The following RANBP17 variants were observed in gnomAD, a reference collection of about 807,000 sequenced individuals.
The protein encoded by RANBP17 is ran-binding protein 17.
A neutral mutation model predicts 141.2 loss-of-function variants in RANBP17; 158 were observed. The ratio of observed to expected loss-of-function variants is 1.12; its 90% CI spans 0.98 to 1.28. The LOEUF is 1.28. Ranked by LOEUF, RANBP17 falls within the 50% of genes most tolerant of loss-of-function variation. The probability of loss-of-function intolerance (pLI) is 0.00; values close to 1 mark genes in which losing one functional copy is unlikely to be tolerated. For missense variants in RANBP17, 1,438 were observed against 1,290.7 expected (o/e 1.11, Z -1.75); for synonymous variants, 430 against 450.0 (o/e 0.96, Z 0.56).
At chr5:170,881,239 G>A (rs950144833) in intron 2 of RANBP17, among the ~76,000 whole-genome samples, 1 of 152,170 alleles carries the variant, frequency 6.6e-6, no homozygotes, top group Middle Eastern at 3.2e-3. Flanking sequence ...AAAAGAGGGA[G>A]TATCTTTGCA....
chr5:171,035,974 T>G (rs941468691), intron 14 of RANBP17, among the ~76,000 whole-genome samples: 1 of 151,986 alleles, frequency 6.6e-6, no homozygotes, highest in Non-Finnish European at 1.5e-5. Context: ...GCTTACTAAA[T>G]CTCCACCTCC....
chr5:170,985,473 T>C (rs926232061), intron 14 of RANBP17, among the ~76,000 whole-genome samples: 1 of 152,202 alleles, frequency 6.6e-6, no homozygotes, highest in East Asian at 1.9e-4. Flanking sequence ...TCCCTTTCTC[T>C]CTTCCATTTA....
At chr5:170,999,139 T>G (rs1779032311) in intron 14 of RANBP17, among the ~76,000 whole-genome samples, 1 of 152,066 alleles carries the variant, frequency 6.6e-6, no homozygotes. Flanking sequence ...TTATTATTTA[T>G]TTTCTTAAAT....
At chr5:171,289,958 A>G (rs1284590648) in intron 25 of RANBP17, among the ~76,000 whole-genome samples, 1 of 152,166 alleles carries the variant, frequency 6.6e-6, no homozygotes, top group African/African-American at 2.4e-5. Context: ...TGAGCCCAGG[A>G]GGCAGAGGTT....
intron 14 of RANBP17, among the ~76,000 whole-genome samples, chr5:171,150,498 A>G (rs182788567): frequency 1.3e-5 from 2 of 152,016 alleles, no homozygotes; most frequent in East Asian, 3.9e-4. Flanking sequence ...TACCTACTAG[A>G]TGATATGCAA....
chr5:171,087,355 A>G (rs1294490807), intron 14 of RANBP17, among the ~76,000 whole-genome samples: 1 of 152,002 alleles, frequency 6.6e-6, no homozygotes, highest in East Asian at 1.9e-4. Context: ...CTGTTCTTTT[A>G]CATTTGCTGA....
At chr5:171,144,497 A>G (rs1561699712) in intron 14 of RANBP17, among the ~76,000 whole-genome samples, 2 of 152,236 alleles carry the variant, frequency 1.3e-5, no homozygotes, top group Non-Finnish European at 2.9e-5. Flanking sequence ...GCAGTGGCCT[A>G]GTCCTAGAGG....
In RANBP17 at chr5:171,183,331, T is replaced by G; in HGVS notation, c.1939T>G (p.Phe647Val). Reference protein sequence around the residue: ...FMLKNHTSEHFPFLGISDNHS... With the variant: ...FMLKNHTSEHVPFLGISDNHS... ...CTTTTGCTTTCATTAGAGTGAACAC[T>G]TCCCTTTTCTTGGCATCAGTGACAA... is the stretch of plus-strand genomic sequence containing the variant. Residue 647 changes from phenylalanine (F) to valine (V), a missense_variant, in exon 18 of 28, where the codon TTC becomes GTC. By Grantham distance (50) the Phe-to-Val change is conservative (BLOSUM62 -1). Coordinates refer to ENST00000523189, the MANE Select transcript of RANBP17 (RefSeq NM_022897.5). 1 of 1,613,644 alleles carries G rather than the reference T, an allele frequency of 6.2e-7. No individual in the cohort carries two copies.
At chr5:171,269,129 T>C (rs1408437341) in intron 25 of RANBP17, among the ~76,000 whole-genome samples, 1 of 152,224 alleles carries the variant, frequency 6.6e-6, no homozygotes, top group African/African-American at 2.4e-5. Flanking sequence ...ATGATTTGCA[T>C]TAGCACTAGG....
At chr5:171,138,066 T>G (rs1757440034) in intron 14 of RANBP17, among the ~76,000 whole-genome samples, 1 of 151,966 alleles carries the variant, frequency 6.6e-6, no homozygotes, top group Non-Finnish European at 1.5e-5. Flanking sequence ...GCTTTAGTAT[T>G]CTCACTTGTA....
At chr5:171,220,285 G>A (rs533151623) in intron 21 of RANBP17, among the ~76,000 whole-genome samples, 40 of 151,192 alleles carry the variant, frequency 2.6e-4, no homozygotes, top group Non-Finnish European at 4.4e-4. Flanking sequence ...AGGGGCACCC[G>A]GCCTTATGAG....
At chr5:171,233,377 C>T (rs552564430) in intron 22 of RANBP17, among the ~76,000 whole-genome samples, 2 of 152,212 alleles carry the variant, frequency 1.3e-5, no homozygotes, top group South Asian at 2.1e-4. Flanking sequence ...AGTCATTGTA[C>T]GATCCAGTAA....
chr5:171,273,417 C>G (rs562319770), intron 25 of RANBP17, among the ~76,000 whole-genome samples: 2 of 152,214 alleles, frequency 1.3e-5, no homozygotes, highest in Admixed American at 1.3e-4. Context: ...GCCTGTAGGG[C>G]CAAGAAGCAG....
At chr5:170,907,619 A>T (rs1581117282) in intron 5 of RANBP17, among the ~76,000 whole-genome samples, 2 of 152,138 alleles carry the variant, frequency 1.3e-5, no homozygotes, top group South Asian at 2.1e-4. Flanking sequence ...TAGTGTGCAT[A>T]TAAACTTGAA....
In RANBP17 at chr5:170,931,715, G is replaced by A. The variant is rs1004386307; in HGVS notation, c.1468+7165G>A. Reference sequence around the variant, plus strand: ...CAGGTTATTCAAAGATCAGATGGTTGTAGATGTGTGGTGTTATTTCTGAGG... The same window carrying A: ...CAGGTTATTCAAAGATCAGATGGTTATAGATGTGTGGTGTTATTTCTGAGG... On this transcript the variant is annotated intron_variant, in intron 12 of 27. Transcript: ENST00000523189. 3.3e-5 allele frequency among the ~76,000 whole-genome samples: 5 copies of A among 152,172 alleles called. No homozygotes were observed. In the East Asian group the frequency reaches 9.6e-4, roughly 29 times the overall value.
chr5:171,200,224 T>G (rs921210900), intron 19 of RANBP17, among the ~76,000 whole-genome samples: 9 of 152,200 alleles, frequency 5.9e-5, no homozygotes, highest in African/African-American at 2.2e-4. Flanking sequence ...TAGGCATATA[T>G]GTATAAATAG....
intron 14 of RANBP17, among the ~76,000 whole-genome samples, chr5:171,159,703 C>T (rs941616891): frequency 6.6e-6 from 1 of 151,824 alleles, no homozygotes; most frequent in Non-Finnish European, 1.5e-5. Flanking sequence ...AGGTGGATCA[C>T]GAGGTCAGGA....
intron 14 of RANBP17, among the ~76,000 whole-genome samples, chr5:171,166,937 C>G (rs1326331335): frequency 1.3e-5 from 2 of 152,178 alleles, no homozygotes; most frequent in African/African-American, 2.4e-5. Context: ...GTTTAGTACT[C>G]AAGCTTGACT....
chr5:171,235,773 T>C (rs1764507077), intron 22 of RANBP17, among the ~76,000 whole-genome samples: 1 of 152,048 alleles, frequency 6.6e-6, no homozygotes, highest in Non-Finnish European at 1.5e-5. Context: ...GGCTAATTTT[T>C]TGTAGAGATG....
Sources: allele counts gnomAD v4.1 joint callset (sites outside exome capture counted in the v4.1 genomes callset), GRCh38; gene constraint gnomAD v4.1.1; transcripts MANE v1.5; gene names NCBI Gene and HGNC (gene_info 2026-07-23, HGNC 2026-07-21).